The following CRACDL variants were observed in gnomAD, a reference collection of about 807,000 sequenced individuals.
The protein encoded by CRACDL is CRACD like.
A neutral mutation model predicts 70.6 loss-of-function variants in CRACDL; 26 were observed. The ratio of observed to expected loss-of-function variants is 0.37; its 90% confidence interval spans 0.27 to 0.51. The LOEUF is 0.51. Ranked by LOEUF, CRACDL falls within the 20% of genes least tolerant of loss-of-function variation. The probability of loss-of-function intolerance (pLI) is 0.94; values close to 1 mark genes in which losing one functional copy is unlikely to be tolerated. For missense variants in CRACDL, 1,283 were observed against 1,376.9 expected (o/e 0.93, Z 1.08); for synonymous variants, 618 against 615.2 (o/e 1.00, Z -0.07).
chr2:98,848,287 G>A (rs558815226), intron 1 of CRACDL, among the ~76,000 whole-genome samples: 2 of 152,274 alleles, frequency 1.3e-5, no homozygotes, highest in South Asian at 4.1e-4. Flanking sequence ...GTGTTCCAAA[G>A]GTCACCCCCT....
At chr2:98,830,556 C>A (rs555511604) in intron 5 of CRACDL, among the ~76,000 whole-genome samples, 154 of 152,246 alleles carry the variant, frequency 1.0e-3, no homozygotes, top group African/African-American at 3.6e-3. Context: ...ATTGTGTCTT[C>A]AAAACGATGA....
intron 1 of CRACDL, among the ~76,000 whole-genome samples, chr2:98,909,931 A>C (rs2104672758): frequency 6.6e-6 from 1 of 152,324 alleles, no homozygotes; most frequent in African/African-American, 2.4e-5. Flanking sequence ...CAAAAAGGGG[A>C]AACTTAATTC....
chr2:98,870,163 G>A (rs532066453), intron 1 of CRACDL, among the ~76,000 whole-genome samples: 3 of 152,264 alleles, frequency 2.0e-5, no homozygotes, highest in Middle Eastern at 6.8e-3. Context: ...AACTGCAACC[G>A]GTACAGTCAG....
intron 1 of CRACDL, among the ~76,000 whole-genome samples, chr2:98,848,446 C>T (rs80336927): frequency 0.011 from 1,665 of 152,126 alleles, 37 homozygotes; most frequent in East Asian, 0.084. Flanking sequence ...GTGAGGGTGG[C>T]CTAGGAGTCA....
chr2:98,923,598 A>C (rs553212838), intron 1 of CRACDL, among the ~76,000 whole-genome samples: 13 of 152,274 alleles, frequency 8.5e-5, no homozygotes, highest in Non-Finnish European at 1.2e-4. Context: ...CCTGATGTAC[A>C]TGCACTATCT....
At chr2:98,828,560 C>A (rs1397745115) in intron 5 of CRACDL, among the ~76,000 whole-genome samples, 1 of 152,166 alleles carries the variant, frequency 6.6e-6, no homozygotes, top group South Asian at 2.1e-4. Context: ...CCTTTGCTAA[C>A]CCGGACAGGG....
chr2:98,846,195 T>G (rs1035465736), intron 2 of CRACDL, among the ~76,000 whole-genome samples: 3 of 152,144 alleles, frequency 2.0e-5, no homozygotes, highest in Admixed American at 6.5e-5. Flanking sequence ...ACCAATGACA[T>G]AATTGGAGAA....
At chr2:98,916,148 C>T (rs758804896) in intron 1 of CRACDL, among the ~76,000 whole-genome samples, 2 of 152,240 alleles carry the variant, frequency 1.3e-5, no homozygotes, top group Non-Finnish European at 2.9e-5. Context: ...ACTATGCCCA[C>T]ACAATGTAAT....
intron 1 of CRACDL, among the ~76,000 whole-genome samples, chr2:98,901,755 C>A (rs147773051): frequency 6.8e-4 from 104 of 152,204 alleles, no homozygotes; most frequent in South Asian, 1.2e-3. Flanking sequence ...ATTGAGTGAA[C>A]CCCCCTGGGT....
At chr2:98,928,207 A>T (rs928480857) in intron 1 of CRACDL, among the ~76,000 whole-genome samples, 55 of 151,378 alleles carry the variant, frequency 3.6e-4, no homozygotes, top group Admixed American at 6.6e-4. Flanking sequence ...AAATAAAAAT[A>T]AAAAAAAATA....
intron 7 of CRACDL, among the ~76,000 whole-genome samples, chr2:98,809,205 T>C (rs1286541235): frequency 1.3e-5 from 2 of 152,056 alleles, no homozygotes; most frequent in Admixed American, 1.3e-4. Context: ...GGCTGAGAGC[T>C]GGGGAAGAAG....
rs1258830219 is a variant in CRACDL, at chr2:98,823,370, TGGC to T, written c.900_902del (p.Pro302del). 1.3e-6 allele frequency: 2 copies of T among 1,530,050 alleles called. No individual in the cohort carries two copies. The highest frequency in any genetic ancestry group is 1.7e-6 in the Non-Finnish European group (2 of 1,145,724). The allele number at this position is 1,530,050 out of a possible 1,614,324, so 94.8% of individuals were successfully genotyped here. A position where few individuals can be genotyped will look rare whatever the true frequency, so the allele number is the denominator to read the frequency against. ...CGCGTCTGGCACGGGCCCCTCCGGGTGGCGGCAAGGGCGCCGGTGGCCCAGGCT... is the reference window on the plus strand; with the variant it reads ...CGCGTCTGGCACGGGCCCCTCCGGGTGGCAAGGGCGCCGGTGGCCCAGGCT... On this transcript the variant is annotated inframe_deletion, in exon 7 of 10. Coordinates refer to ENST00000397899, the MANE Select transcript of CRACDL (RefSeq NM_207362.3). This position sits in a 1 kb window ranked among gnomAD's most constrained non-coding sequence, Gnocchi z 4.0.
chr2:98,921,461 T>C (rs1708801142), intron 1 of CRACDL, among the ~76,000 whole-genome samples: 1 of 152,238 alleles, frequency 6.6e-6, no homozygotes, highest in Non-Finnish European at 1.5e-5. Flanking sequence ...TGACATGTAT[T>C]ATGGTGTTCC....
intron 7 of CRACDL, among the ~76,000 whole-genome samples, chr2:98,809,279 C>T (rs1479775464): frequency 6.6e-6 from 1 of 151,986 alleles, no homozygotes; most frequent in Non-Finnish European, 1.5e-5. Context: ...CTGGGCCTGG[C>T]AGACACTTGA....
chr2:98,799,628 C>T (rs1188002601), intron 7 of CRACDL, among the ~76,000 whole-genome samples: 8 of 152,172 alleles, frequency 5.3e-5, no homozygotes, highest in Non-Finnish European at 7.3e-5. Flanking sequence ...GAAGTCTCCC[C>T]GGAGCCTCAT....
chr2:98,895,150 G>C (rs1316659591), intron 1 of CRACDL, among the ~76,000 whole-genome samples: 1 of 152,158 alleles, frequency 6.6e-6, no homozygotes, highest in Non-Finnish European at 1.5e-5. Flanking sequence ...CTGGCTCTGG[G>C]ATCTCATAGA....
chr2:98,805,386 G>T (rs1036228637), intron 7 of CRACDL, among the ~76,000 whole-genome samples: 1 of 152,182 alleles, frequency 6.6e-6, no homozygotes, highest in Non-Finnish European at 1.5e-5. Flanking sequence ...AATGAGGCAA[G>T]TTTGCACCCA....
intron 1 of CRACDL, among the ~76,000 whole-genome samples, chr2:98,873,520 C>G (rs992943815): frequency 2.0e-5 from 3 of 152,224 alleles, no homozygotes; most frequent in African/African-American, 7.2e-5. Context: ...CACTGCTGAA[C>G]TGGCCTGGGA....
intron 1 of CRACDL, among the ~76,000 whole-genome samples, chr2:98,862,220 A>T (rs1253448291): frequency 6.6e-6 from 1 of 152,158 alleles, no homozygotes; most frequent in East Asian, 1.9e-4. Context: ...TTAAGTTTAT[A>T]CTTCAGGCTG....
Sources: allele counts gnomAD v4.1 joint callset (sites outside exome capture counted in the v4.1 genomes callset), GRCh38; gene constraint gnomAD v4.1.1; non-coding constraint Gnocchi (gnomAD v3.1); transcripts MANE v1.5; gene names NCBI Gene and HGNC (gene_info 2026-07-23, HGNC 2026-07-21).